Variants in HCRTR2 observed in about 807,000 individuals in gnomAD.
The protein encoded by HCRTR2 is orexin receptor type 2.
A neutral mutation model predicts 49.0 loss-of-function variants in HCRTR2; 22 were observed. The ratio of observed to expected loss-of-function variants is 0.45; its 90% CI spans 0.32 to 0.64. HCRTR2 has a LOEUF of 0.64. Among genes scored for constraint, HCRTR2 ranks in the 30% least tolerant of loss-of-function variants. The pLI is 0.04. For missense variants in HCRTR2, 491 were observed against 559.4 expected, an observed-to-expected ratio of 0.88 and a Z score of 1.23; for synonymous variants, 236 against 205.3, an observed-to-expected ratio of 1.15 and a Z score of -1.28.
At chr6:55,177,669 GA>G (rs775688380) in intron 1 of HCRTR2, among the ~76,000 whole-genome samples, 3 of 152,074 alleles carry the variant, frequency 2.0e-5, no homozygotes, top group Non-Finnish European at 4.4e-5. Context: ...CCATCAGTTA[GA>G]AGTCATCTTC....
intron 1 of HCRTR2, among the ~76,000 whole-genome samples, chr6:55,180,475 C>G (rs1241695527): frequency 1.3e-5 from 2 of 152,190 alleles, no homozygotes; most frequent in Non-Finnish European, 2.9e-5. Context: ...TGAGGATGAG[C>G]TCATTTGATA....
chr6:55,180,160 A>G (rs2127272305), intron 1 of HCRTR2, among the ~76,000 whole-genome samples: 1 of 152,352 alleles, frequency 6.6e-6, no homozygotes, highest in South Asian at 2.1e-4. Flanking sequence ...CAAACTTATA[A>G]TGAGAAGATT....
chr6:55,237,384 G>C (rs563269928), intron 1 of HCRTR2, among the ~76,000 whole-genome samples: 2 of 152,124 alleles, frequency 1.3e-5, no homozygotes, highest in African/African-American at 4.8e-5. Context: ...CATTCTTTAG[G>C]AGAGCTTGTC....
chr6:55,232,962 A>G (rs987621985), intron 1 of HCRTR2, among the ~76,000 whole-genome samples: 3 of 152,338 alleles, frequency 2.0e-5, no homozygotes, highest in Admixed American at 6.5e-5. Context: ...TCAGAAGAAA[A>G]TATTTTTACA....
chr6:55,148,426 G>A (rs556634460), intron 1 of HCRTR2, among the ~76,000 whole-genome samples: 63 of 152,210 alleles, frequency 4.1e-4, no homozygotes, highest in African/African-American at 1.5e-3. Context: ...TCATTGATTG[G>A]AAATTATAGA....
intron 1 of HCRTR2, among the ~76,000 whole-genome samples, chr6:55,227,879 G>T (rs1430412939): frequency 6.6e-6 from 1 of 152,110 alleles, no homozygotes; most frequent in South Asian, 2.1e-4. Context: ...AGTAACATAG[G>T]AAGAGAAATA....
At chr6:55,278,401 C>T (rs550422113) in intron 5 of HCRTR2, among the ~76,000 whole-genome samples, 2 of 152,302 alleles carry the variant, frequency 1.3e-5, no homozygotes, top group African/African-American at 4.8e-5. Flanking sequence ...TTGCTCCTCT[C>T]ACTTTGGCCT....
At chr6:55,248,353 A>G (rs1390601443) in intron 1 of HCRTR2, among the ~76,000 whole-genome samples, 1 of 152,094 alleles carries the variant, frequency 6.6e-6, no homozygotes, top group South Asian at 2.1e-4. Flanking sequence ...TAGAAAGATG[A>G]ATCAAAGACC....
At chr6:55,182,032 T>TA (rs1468588415) in intron 1 of HCRTR2, among the ~76,000 whole-genome samples, 1 of 152,244 alleles carries the variant, frequency 6.6e-6, no homozygotes, top group African/African-American at 2.4e-5. Context: ...GGCTATGCCA[T>TA]AGTAGCAAAC....
At chr6:55,157,183 G>A (rs1581798808) in intron 1 of HCRTR2, among the ~76,000 whole-genome samples, 2 of 152,152 alleles carry the variant, frequency 1.3e-5, no homozygotes, top group South Asian at 4.1e-4. Flanking sequence ...AAAGTTGCAG[G>A]ATACAATATC....
At chr6:55,129,434 T>G (rs1316884171) in intron 1 of HCRTR2, among the ~76,000 whole-genome samples, 1 of 152,100 alleles carries the variant, frequency 6.6e-6, no homozygotes, top group Non-Finnish European at 1.5e-5. Context: ...GTTAATCAAA[T>G]GAAGATGGCA....
At chr6:55,273,834 T>A (rs575278565) in intron 4 of HCRTR2, among the ~76,000 whole-genome samples, 1 of 152,118 alleles carries the variant, frequency 6.6e-6, no homozygotes, top group African/African-American at 2.4e-5. Flanking sequence ...CTTGCCCAGG[T>A]ACTTTTTAAG....
At chr6:55,147,132 A>G (rs1581794492) in intron 1 of HCRTR2, among the ~76,000 whole-genome samples, 1 of 152,140 alleles carries the variant, frequency 6.6e-6, no homozygotes, top group East Asian at 1.9e-4. Context: ...GTAATAATCT[A>G]TTCTAATAAA....
intron 1 of HCRTR2, among the ~76,000 whole-genome samples, chr6:55,228,570 T>A (rs898675013): frequency 6.6e-6 from 1 of 152,164 alleles, no homozygotes; most frequent in African/African-American, 2.4e-5. Flanking sequence ...TCAGTAGACA[T>A]TCTAAATAAA....
At chr6:55,211,724 C>T (rs1045729575) in intron 1 of HCRTR2, among the ~76,000 whole-genome samples, 5 of 152,118 alleles carry the variant, frequency 3.3e-5, no homozygotes, top group African/African-American at 4.8e-5. Flanking sequence ...AGCCTTTGCA[C>T]ATACAGTGTT....
intron 1 of HCRTR2, among the ~76,000 whole-genome samples, chr6:55,168,665 A>T (rs9349761): frequency 0.023 from 3,474 of 152,182 alleles, 45 homozygotes; most frequent in African/African-American, 0.044. Flanking sequence ...TCCTGAGTTC[A>T]AGTGATTCTC....
chr6:55,131,192 A>T (rs1764350482), intron 1 of HCRTR2, among the ~76,000 whole-genome samples: 1 of 151,604 alleles, frequency 6.6e-6, no homozygotes, highest in South Asian at 2.1e-4. Context: ...ATCTTTAGGG[A>T]TCAGTTGAGT....
chr6:55,279,344 G>A (rs571869398), intron 5 of HCRTR2, among the ~76,000 whole-genome samples: 2 of 151,964 alleles, frequency 1.3e-5, no homozygotes, highest in East Asian at 3.9e-4. Context: ...GTTCAGGTTT[G>A]TCCAAGATTT....
chr6:55,269,537 T>C (rs1766931568), intron 4 of HCRTR2, among the ~76,000 whole-genome samples: 1 of 152,088 alleles, frequency 6.6e-6, no homozygotes, highest in Non-Finnish European at 1.5e-5. Flanking sequence ...GATTAATATA[T>C]ATACAAAAAT....
Sources: gnomAD v4.1 joint callset for allele counts (sites outside exome capture counted in the v4.1 genomes callset) on GRCh38, gnomAD v4.1.1 for gene constraint, MANE v1.5 for transcripts, NCBI Gene and HGNC (gene_info 2026-07-23, HGNC 2026-07-21) for gene names.